Variants in ACSL3 observed in about 807,000 individuals in gnomAD.
ACSL3 encodes the protein acyl-CoA synthetase long chain family member 3.
A neutral mutation model predicts 84.7 loss-of-function variants in ACSL3; 34 were observed. That is an observed-to-expected ratio of 0.40 (90% CI 0.31 to 0.53). The LOEUF is 0.53. ACSL3 is among the 20% of genes least tolerant of loss of function. The pLI, the probability that ACSL3 is intolerant of heterozygous loss-of-function variation, is 0.48. For missense variants in ACSL3, 680 were observed against 873.1 expected (o/e 0.78, Z 2.79); for synonymous variants, 315 against 299.4 (o/e 1.05, Z -0.54).
chr2:222,929,950 G>A (rs561600900), intron 13 of ACSL3, among the ~76,000 whole-genome samples: 80 of 138,006 alleles, frequency 5.8e-4, no homozygotes, highest in Admixed American at 1.7e-3. Flanking sequence ...TTTTTGACAC[G>A]GAGTTTTGCT....
intron 12 of ACSL3, among the ~76,000 whole-genome samples, chr2:222,927,766 G>A (rs1027591708): frequency 6.6e-6 from 1 of 152,162 alleles, no homozygotes; most frequent in Non-Finnish European, 1.5e-5. Context: ...TTTGCTTTCC[G>A]GTACAGGATA....
At chr2:222,926,701 A>T (rs1696883315) in intron 11 of ACSL3, among the ~76,000 whole-genome samples, 1 of 152,180 alleles carries the variant, frequency 6.6e-6, no homozygotes, top group African/African-American at 2.4e-5. Flanking sequence ...AATATATGAT[A>T]AATATTTTAT....
At chr2:222,882,846 C>G (rs987377962) in intron 1 of ACSL3, among the ~76,000 whole-genome samples, 11 of 144,176 alleles carry the variant, frequency 7.6e-5, no homozygotes, top group Non-Finnish European at 6.0e-5. Context: ...TGGCTTACTG[C>G]AAGCTCTGCC....
At chr2:222,938,802 C>A (rs1169287227) in intron 16 of ACSL3, among the ~76,000 whole-genome samples, 2 of 152,072 alleles carry the variant, frequency 1.3e-5, no homozygotes, top group Non-Finnish European at 2.9e-5. Context: ...TCCTTAGGTT[C>A]TCTTCATTTT....
intron 1 of ACSL3, among the ~76,000 whole-genome samples, chr2:222,879,268 A>T (rs1428943052): frequency 6.6e-6 from 1 of 152,226 alleles, no homozygotes; most frequent in East Asian, 1.9e-4. Context: ...CAGTGAGCCT[A>T]GATGGTGCCA....
intron 2 of ACSL3, among the ~76,000 whole-genome samples, chr2:222,891,932 A>T (rs1420361408): frequency 6.6e-6 from 1 of 152,210 alleles, no homozygotes; most frequent in East Asian, 1.9e-4. Context: ...TCTAATCCAG[A>T]TAGTAATATG....
Position 222,930,790 on chromosome 2 carries a change from C to T in ACSL3, c.1710C>T (p.Pro570=), listed in dbSNP as rs140921750. The change falls in exon 14 of 17, where the codon CCC becomes CCT. Residue 570 remains proline (P), a synonymous_variant. Coordinates refer to ENST00000357430, the MANE Select transcript of ACSL3 (RefSeq NM_004457.5). ...CTGGGGATATTGGAGAGTTTGAACC[C>T]GATGGATGCTTAAAGATTATTGGTA... ...LCTGDIGEFE[P]DGCLKIIDRK... is the part of the protein sequence containing the mutation. The T allele has an allele frequency of 5.0e-5, 80 of 1,601,032 alleles. 2 individuals carry two copies. The South Asian group carries it at 7.1e-4, about 14-fold the overall frequency.
chr2:222,940,763 C>T (rs766508446), intron 16 of ACSL3, among the ~76,000 whole-genome samples: 3 of 152,188 alleles, frequency 2.0e-5, no homozygotes, highest in Non-Finnish European at 4.4e-5. Flanking sequence ...ATACCATCGA[C>T]ATTCGTGTAA....
At position 222,902,962 on chromosome 2, in the gene ACSL3, G is replaced by A. The variant is rs551808554; in HGVS notation, c.-41+2182G>A. Among the ~76,000 whole-genome samples the A allele has an allele frequency of 9.9e-5, 15 of 152,240 alleles. No homozygotes were observed. The East Asian group carries it at 2.1e-3, about 22-fold the overall frequency. On this transcript the variant is annotated intron_variant, in intron 3 of 16. Transcript: ENST00000357430. ...TTAGGCTTGAAGGTGAGGTTTCACC[G>A]GGGACTCTACCCTATCTGCCTAGGT...
intron 13 of ACSL3, 22 bp downstream of exon 13, chr2:222,928,958 A>G: frequency 1.3e-6 from 2 of 1,589,686 alleles, no homozygotes; most frequent in South Asian, 1.1e-5. Flanking sequence ...TTTTAACCAC[A>G]GAGCATTAAT....
chr2:222,875,805 G>A (rs1695431766), intron 1 of ACSL3, among the ~76,000 whole-genome samples: 2 of 152,142 alleles, frequency 1.3e-5, no homozygotes, highest in Admixed American at 6.5e-5. Flanking sequence ...CATAAGCACA[G>A]ACATAATTCC....
chr2:222,887,598 T>C (rs1337707383), intron 1 of ACSL3, among the ~76,000 whole-genome samples: 6 of 152,134 alleles, frequency 3.9e-5, no homozygotes, highest in South Asian at 2.1e-4. Context: ...GTGTTTTGGG[T>C]TTTGGGCATT....
chr2:222,928,451 A>G (rs918832206), intron 12 of ACSL3, among the ~76,000 whole-genome samples: 3 of 152,306 alleles, frequency 2.0e-5, no homozygotes, highest in East Asian at 1.9e-4. Flanking sequence ...CCAGGCAGCT[A>G]CCTATTTAAA....
intron 8 of ACSL3, 22 bp from the exon 9 acceptor site, chr2:222,922,686 T>C: frequency 6.2e-7 from 1 of 1,613,226 alleles, no homozygotes; most frequent in Non-Finnish European, 8.5e-7. Context: ...CTTTTGTTTC[T>C]GACGTCTCCC....
chr2:222,926,984 A>G, intron 11 of ACSL3, 33 bp from the exon 12 acceptor site: 1 of 1,599,604 alleles, frequency 6.3e-7, no homozygotes, highest in Non-Finnish European at 8.6e-7. Flanking sequence ...ATTCAGTTTT[A>G]AAATCCTGTG....
intron 1 of ACSL3, among the ~76,000 whole-genome samples, chr2:222,864,868 G>T (rs1695099610): frequency 6.6e-6 from 1 of 152,162 alleles, no homozygotes; most frequent in African/African-American, 2.4e-5. Context: ...ATACAGGCCT[G>T]TAACCTATGG....
chr2:222,909,274 G>C, intron 4 of ACSL3, 124 bp downstream of exon 4: 1 of 969,510 alleles, frequency 1.0e-6, no homozygotes, highest in Non-Finnish European at 1.5e-6. Flanking sequence ...AGTGTAGGAA[G>C]GGGGCTAGAC....
chr2:222,901,485 T>G (rs777849427), intron 3 of ACSL3, among the ~76,000 whole-genome samples: 2 of 89,166 alleles, frequency 2.2e-5, no homozygotes, highest in Non-Finnish European at 4.2e-5. Context: ...TTAAGACATA[T>G]AAGTCATCCA....
chr2:222,910,931 G>A (rs977483123), intron 4 of ACSL3, among the ~76,000 whole-genome samples: 1 of 152,128 alleles, frequency 6.6e-6, no homozygotes, highest in Non-Finnish European at 1.5e-5. Flanking sequence ...TCTAGAAATT[G>A]AAATCATGAG....
Sources: gnomAD v4.1 joint callset for allele counts (sites outside exome capture counted in the v4.1 genomes callset) on GRCh38, gnomAD v4.1.1 for gene constraint, MANE v1.5 for transcripts, NCBI Gene and HGNC (gene_info 2026-07-23, HGNC 2026-07-21) for gene names.